PRUNE2: variants seen among roughly 807,000 people sequenced by gnomAD.
The protein encoded by PRUNE2 is protein prune homolog 2.
A neutral mutation model predicts 252.0 loss-of-function variants in PRUNE2; 164 were observed. The observed-to-expected ratio is 0.65, with a 90% CI of 0.57 to 0.74. The LOEUF (loss-of-function observed/expected upper bound fraction) is 0.74. Ranked by LOEUF, PRUNE2 falls within the 30% of genes least tolerant of loss-of-function variation. The pLI is 0.00. For missense variants in PRUNE2, 3,495 were observed against 3,711.0 expected (o/e 0.94, Z 1.51); for synonymous variants, 1,292 against 1,350.2 (o/e 0.96, Z 0.94).
At chr9:76,833,894 T>G (rs553180032) in intron 4 of PRUNE2, among the ~76,000 whole-genome samples, 26 of 150,764 alleles carry the variant, frequency 1.7e-4, no homozygotes, top group South Asian at 6.3e-4. Flanking sequence ...TTGTTTTTTT[T>G]TTTTTAAGAT....
At chr9:76,700,236 G>A (rs561672675) in intron 9 of PRUNE2, 1 of 152,300 alleles carries the variant, frequency 6.6e-6, no homozygotes, top group South Asian at 2.1e-4. Flanking sequence ...GCTGAAGGAG[G>A]GGAGGGAAGA....
intron 6 of PRUNE2, chr9:76,759,616 C>G (rs1276059787): frequency 6.6e-6 from 1 of 152,232 alleles, no homozygotes; most frequent in Non-Finnish European, 1.5e-5. Flanking sequence ...CATTCCCTTT[C>G]CAGCTCCCCA....
chr9:76,659,623 C>T (rs981517993), intron 9 of PRUNE2, among the ~76,000 whole-genome samples: 11 of 152,160 alleles, frequency 7.2e-5, no homozygotes, highest in Admixed American at 4.6e-4. Context: ...TTAAACCTTC[C>T]GACTTTTTTG....
At chr9:76,879,072 A>G (rs1173070060) in intron 1 of PRUNE2, among the ~76,000 whole-genome samples, 1 of 152,218 alleles carries the variant, frequency 6.6e-6, no homozygotes, top group Non-Finnish European at 1.5e-5. Flanking sequence ...AGCATTTTCC[A>G]AAGTGTGTTC....
At position 76,710,501 on chromosome 9, in the gene PRUNE2, C is replaced by T. The variant is rs2046643065; in HGVS notation, c.1773G>A (p.Val591=). 1.9e-6 allele frequency: 3 copies of T among 1,613,870 alleles called. No individual in the cohort carries two copies. The Admixed American group carries it at 5.0e-5, about 27-fold the overall frequency. ...TTTCTGGGGAAGGGGATTCATCTCC[C>T]ACAAAATCTGTCAGGCTCAAATTTC... The part of the protein sequence containing the change: ...SERNLSLTDF[V]GDESPSPERL... The change falls in exon 8 of 19, where the codon GTG becomes GTA. Residue 591 remains valine, a synonymous_variant. Transcript: ENST00000376718.
chr9:76,847,410 T>C (rs1342448524), intron 3 of PRUNE2, among the ~76,000 whole-genome samples: 2 of 151,442 alleles, frequency 1.3e-5, no homozygotes, highest in African/African-American at 2.4e-5. Context: ...AAAATCCCCA[T>C]TGTATAAGTT....
chr9:76,823,693 A>C lies in PRUNE2; in HGVS notation c.695T>G (p.Leu232Arg). The C allele has an allele frequency of 1.2e-6, 2 of 1,611,414 alleles. No individual in the cohort carries two copies. The highest frequency in any genetic ancestry group is 1.7e-6 in the Non-Finnish European group (2 of 1,177,600). ...LSIEQTMLKD[L>R]KELSDGEIKV... ...TATTTCTCCATCTGACAGCTCCTTT[A>C]GATCTTTCAACATTGTCTGTTCAAT... The change falls in exon 6 of 19, where the codon CTA (leucine) becomes CGA (arginine). Residue 232 changes from leucine to arginine, a missense_variant. Transcript: ENST00000376718.
chr9:76,861,252 C>G (rs905469234), intron 1 of PRUNE2, among the ~76,000 whole-genome samples: 2 of 152,184 alleles, frequency 1.3e-5, no homozygotes, highest in African/African-American at 4.8e-5. Context: ...CGAGATGCCT[C>G]TTGATACTGG....
intron 6 of PRUNE2, among the ~76,000 whole-genome samples, chr9:76,771,234 T>C (rs1354797572): frequency 6.6e-6 from 1 of 152,206 alleles, no homozygotes. Flanking sequence ...TATATGTTTT[T>C]GCATCTTAAA....
chr9:76,889,784 GC>G, intron 1 of PRUNE2, among the ~76,000 whole-genome samples: 1 of 152,296 alleles, frequency 6.6e-6, no homozygotes, highest in African/African-American at 2.4e-5. Context: ...CAGCTGTGCA[GC>G]CCCCTCAGAT....
intron 16 of PRUNE2, among the ~76,000 whole-genome samples, chr9:76,627,164 G>A (rs1587808055): frequency 2.0e-5 from 3 of 151,588 alleles, no homozygotes; most frequent in Admixed American, 1.3e-4. Context: ...GCAGTGGTGC[G>A]ATCTCGGCTC....
At chr9:76,777,986 G>A (rs1177616362) in intron 6 of PRUNE2, among the ~76,000 whole-genome samples, 1 of 152,222 alleles carries the variant, frequency 6.6e-6, no homozygotes, top group African/African-American at 2.4e-5. Context: ...GCAGTGGGAG[G>A]TGGAAGGATA....
At chr9:76,736,135 AGTGTGT>A (rs10536918) in intron 6 of PRUNE2, among the ~76,000 whole-genome samples, 41 of 149,402 alleles carry the variant, frequency 2.7e-4, no homozygotes, top group African/African-American at 9.1e-4. Flanking sequence ...GGTTTGTGTG[AGTGTGT>A]GTGTGTGTGT....
intron 2 of PRUNE2, 84 bp downstream of exon 2, chr9:76,854,020 G>A (rs1181408551): frequency 1.6e-6 from 1 of 636,466 alleles, no homozygotes; most frequent in South Asian, 2.5e-5. Context: ...AAGTTAATAG[G>A]TTCCTTTGTT....
At chr9:76,754,613 C>A (rs1267475976) in intron 6 of PRUNE2, among the ~76,000 whole-genome samples, 2 of 152,054 alleles carry the variant, frequency 1.3e-5, no homozygotes, top group African/African-American at 4.8e-5. Flanking sequence ...TTGCATTTGA[C>A]CAGTTAGGTA....
intron 12 of PRUNE2, chr9:76,641,950 G>T: frequency 6.6e-7 from 1 of 1,521,430 alleles, no homozygotes. Flanking sequence ...CATTTGTCCA[G>T]CAAGACTTCA....
intron 1 of PRUNE2, among the ~76,000 whole-genome samples, chr9:76,890,411 C>T (rs2062398412): frequency 6.6e-6 from 1 of 152,214 alleles, no homozygotes. Context: ...GAGATACTAG[C>T]TTAATTTGAC....
chr9:76,857,423 G>C (rs937569454), intron 1 of PRUNE2, among the ~76,000 whole-genome samples: 1 of 152,100 alleles, frequency 6.6e-6, no homozygotes, highest in African/African-American at 2.4e-5. Flanking sequence ...AGATGACCCA[G>C]CTTAGAATGG....
chr9:76,687,164 C>T (rs1447541173), intron 9 of PRUNE2, among the ~76,000 whole-genome samples: 3 of 152,202 alleles, frequency 2.0e-5, no homozygotes, highest in Non-Finnish European at 2.9e-5. Flanking sequence ...TCTCTACTGA[C>T]CTTTCTATAG....
Sources: gnomAD v4.1 joint callset for allele counts (sites outside exome capture counted in the v4.1 genomes callset) on GRCh38, gnomAD v4.1.1 for gene constraint, MANE v1.5 for transcripts, NCBI Gene and HGNC (gene_info 2026-07-23, HGNC 2026-07-21) for gene names.